Variants in CSMD3 observed in about 807,000 individuals in gnomAD.
CSMD3 encodes the protein CUB and Sushi multiple domains 3.
In CSMD3, 177 loss-of-function variants were observed where a neutral mutation model predicts 435.2. The ratio of observed to expected loss-of-function variants is 0.41; its 90% CI spans 0.36 to 0.46. The LOEUF is 0.46. Among genes scored for constraint, CSMD3 ranks in the 20% least tolerant of loss-of-function variants. The probability of loss-of-function intolerance (pLI) is 0.34; values close to 1 mark genes in which losing one functional copy is unlikely to be tolerated. For synonymous variants in CSMD3, 1,656 were observed against 1,520.5 expected, an observed-to-expected ratio of 1.09 and a Z score of -2.07; for missense variants, 4,265 against 4,504.6, an observed-to-expected ratio of 0.95 and a Z score of 1.52.
At chr8:112,422,310 T>C (rs1050695547) in intron 32 of CSMD3, among the ~76,000 whole-genome samples, 8 of 152,182 alleles carry the variant, frequency 5.3e-5, no homozygotes, top group Non-Finnish European at 1.2e-4. Context: ...AATAGAGGAA[T>C]AGATTTCTAT....
intron 1 of CSMD3, among the ~76,000 whole-genome samples, chr8:113,326,416 T>A (rs555594791): frequency 2.6e-5 from 4 of 152,238 alleles, no homozygotes; most frequent in Admixed American, 1.3e-4. Flanking sequence ...ACATAGTTTT[T>A]TTTTTAAATC....
intron 9 of CSMD3, among the ~76,000 whole-genome samples, chr8:112,928,365 A>G (rs888896904): frequency 6.6e-6 from 1 of 152,166 alleles, no homozygotes; most frequent in Admixed American, 6.6e-5. Flanking sequence ...CATACTGATT[A>G]TTATCATAGA....
At chr8:112,264,921 T>C (rs1816792036) in intron 60 of CSMD3, among the ~76,000 whole-genome samples, 1 of 152,098 alleles carries the variant, frequency 6.6e-6, no homozygotes, top group Non-Finnish European at 1.5e-5. Flanking sequence ...CTGTATTGAC[T>C]AACAGGTTAA....
intron 3 of CSMD3, among the ~76,000 whole-genome samples, chr8:113,241,082 C>A (rs1424239736): frequency 6.6e-6 from 1 of 152,090 alleles, no homozygotes; most frequent in African/African-American, 2.4e-5. Flanking sequence ...TCCCACTTTT[C>A]TCTTTTCTTT....
At chr8:113,125,489 T>C (rs761631407) in intron 4 of CSMD3, among the ~76,000 whole-genome samples, 4 of 151,782 alleles carry the variant, frequency 2.6e-5, no homozygotes, top group Non-Finnish European at 5.9e-5. Context: ...TGAGTGTTGA[T>C]ATAGAAGAAC....
chr8:112,276,256 A>T (rs1159683368), intron 59 of CSMD3, among the ~76,000 whole-genome samples: 2 of 152,200 alleles, frequency 1.3e-5, no homozygotes, highest in Non-Finnish European at 2.9e-5. Flanking sequence ...CATCTTGGGC[A>T]GCTCCACCCC....
chr8:112,920,580 T>C (rs1244566974), intron 10 of CSMD3, among the ~76,000 whole-genome samples: 3 of 151,882 alleles, frequency 2.0e-5, no homozygotes, highest in Non-Finnish European at 4.4e-5. Flanking sequence ...CTTGCAAACC[T>C]TGATGTTTAT....
At position 113,087,843 on chromosome 8, in the gene CSMD3, C is replaced by A. The variant is rs899633131; in HGVS notation, c.917+10913G>T. Among the ~76,000 whole-genome samples the A allele has an allele frequency of 2.1e-3, 318 of 152,174 alleles. 1 individual carries two copies. The highest frequency in any genetic ancestry group is 3.7e-3 in the Non-Finnish European group (253 of 68,010). On this transcript the variant is annotated intron_variant, in intron 5 of 70. Coordinates refer to ENST00000297405, the MANE Select transcript of CSMD3 (RefSeq NM_198123.2). ...ACACCAAAAGCAATGGCAACAAAAG[C>A]CAAAATTGACAAATGGGATCTAATT...
At chr8:113,195,745 TTAAC>T (rs2092644523) in intron 3 of CSMD3, among the ~76,000 whole-genome samples, 1 of 146,794 alleles carries the variant, frequency 6.8e-6, no homozygotes, top group South Asian at 2.1e-4. Context: ...CTCTATCTAT[TTAAC>T]TTTTACTTGG....
Position 112,263,703 on chromosome 8 carries a change from G to A in CSMD3, c.9798C>T (p.Ser3266=), listed in dbSNP as rs554318211. Residue 3266 remains serine, a synonymous_variant, in exon 61 of 71, where the codon TCC becomes TCT. Coordinates refer to ENST00000297405, the MANE Select transcript of CSMD3 (RefSeq NM_198123.2). ...CTACACAGGTCAAAACAGCAGGGAAGGATAGCTCATAGCCTGGAGAACAGA... is the reference window on the plus strand; with the variant it reads ...CTACACAGGTCAAAACAGCAGGGAAAGATAGCTCATAGCCTGGAGAACAGA... ...SYICSPGYEL[S]FPAVLTCVGN... The A allele has an allele frequency of 1.1e-5, 17 of 1,613,772 alleles. No homozygotes were observed. The highest frequency in any genetic ancestry group is 1.4e-5 in the Non-Finnish European group (16 of 1,179,760).
intron 16 of CSMD3, among the ~76,000 whole-genome samples, chr8:112,670,358 C>G (rs2075627855): frequency 1.3e-5 from 2 of 152,086 alleles, no homozygotes; most frequent in Admixed American, 1.3e-4. Context: ...GGAAAGTGAA[C>G]CACGGCAATT....
intron 8 of CSMD3, among the ~76,000 whole-genome samples, chr8:112,949,746 C>T (rs1269710672): frequency 6.6e-6 from 1 of 152,086 alleles, no homozygotes; most frequent in African/African-American, 2.4e-5. Context: ...CTCAAATCTC[C>T]AATTATTCTA....
chr8:112,429,065 T>C (rs938756889), intron 32 of CSMD3, among the ~76,000 whole-genome samples: 2 of 152,074 alleles, frequency 1.3e-5, no homozygotes, highest in Non-Finnish European at 2.9e-5. Flanking sequence ...TTACAACCAC[T>C]CTCAGAATTT....
chr8:112,260,347 T>C (rs1007047802), intron 61 of CSMD3, among the ~76,000 whole-genome samples: 1 of 152,144 alleles, frequency 6.6e-6, no homozygotes, highest in Non-Finnish European at 1.5e-5. Context: ...ACTGTGCCCT[T>C]GCAATTTGAT....
chr8:112,367,917 C>T (rs1445268387), intron 38 of CSMD3, among the ~76,000 whole-genome samples: 2 of 152,152 alleles, frequency 1.3e-5, no homozygotes, highest in Non-Finnish European at 2.9e-5. Context: ...TAAGGGTTTA[C>T]TATATAACTG....
chr8:113,209,104 G>A (rs770610644), intron 3 of CSMD3, among the ~76,000 whole-genome samples: 36 of 152,174 alleles, frequency 2.4e-4, no homozygotes, highest in Non-Finnish European at 3.8e-4. Flanking sequence ...AATGGTTGAT[G>A]TTATTAAAAG....
chr8:112,632,363 A>G (rs1007707727), intron 22 of CSMD3, among the ~76,000 whole-genome samples: 1 of 152,028 alleles, frequency 6.6e-6, no homozygotes, highest in African/African-American at 2.4e-5. Flanking sequence ...TTAAGGCAAG[A>G]TGTTGTTACT....
intron 13 of CSMD3, among the ~76,000 whole-genome samples, chr8:112,738,840 C>G (rs1174877203): frequency 2.0e-5 from 3 of 151,546 alleles, no homozygotes. Context: ...AGATAAAAGT[C>G]TTGTGTAGTT....
chr8:112,356,723 T>C (rs1249569894), intron 38 of CSMD3, among the ~76,000 whole-genome samples: 1 of 151,962 alleles, frequency 6.6e-6, no homozygotes, highest in South Asian at 2.1e-4. Flanking sequence ...AGTGAATAAG[T>C]TTCATGAGTA....
Sources: allele counts gnomAD v4.1 joint callset (sites outside exome capture counted in the v4.1 genomes callset), GRCh38; gene constraint gnomAD v4.1.1; transcripts MANE v1.5; gene names NCBI Gene and HGNC (gene_info 2026-07-23, HGNC 2026-07-21).